CDKAL1: variants seen among roughly 807,000 people sequenced by gnomAD.
The protein encoded by CDKAL1 is threonylcarbamoyladenosine tRNA methylthiotransferase.
Under a neutral mutation model 68.2 loss-of-function variants are expected in CDKAL1, and 32 were observed. The observed-to-expected ratio is 0.47, with a 90% CI of 0.35 to 0.63. CDKAL1 has a LOEUF of 0.63. Among genes scored for constraint, CDKAL1 ranks in the 30% least tolerant of loss-of-function variants. The pLI, the probability that CDKAL1 is intolerant of heterozygous loss-of-function variation, is 0.00. For missense variants in CDKAL1, 606 were observed against 696.7 expected, an observed-to-expected ratio of 0.87 and a Z score of 1.47; for synonymous variants, 234 against 244.3, an observed-to-expected ratio of 0.96 and a Z score of 0.39.
At chr6:20,799,820 T>C (rs572626414) in intron 8 of CDKAL1, 1 of 152,368 alleles carries the variant, frequency 6.6e-6, no homozygotes, top group Non-Finnish European at 1.5e-5. Flanking sequence ...GTCTTGATGC[T>C]TTGAGTAGAG....
chr6:21,111,122 T>C (rs1313038094), intron 13 of CDKAL1, among the ~76,000 whole-genome samples: 2 of 152,204 alleles, frequency 1.3e-5, no homozygotes, highest in African/African-American at 4.8e-5. Flanking sequence ...GATTGAAATG[T>C]TTCATAATAG....
chr6:21,150,265 G>A (rs1776353258), intron 13 of CDKAL1, among the ~76,000 whole-genome samples: 1 of 152,132 alleles, frequency 6.6e-6, no homozygotes. Flanking sequence ...GAAAAGAATG[G>A]ATGTTGGGTA....
At chr6:20,842,424 CA>C (rs200230449) in intron 8 of CDKAL1, among the ~76,000 whole-genome samples, 12 of 152,022 alleles carry the variant, frequency 7.9e-5, no homozygotes, top group African/African-American at 2.4e-4. Flanking sequence ...TACAAGCAGT[CA>C]AAAAAATGTG....
intron 8 of CDKAL1, among the ~76,000 whole-genome samples, chr6:20,798,369 T>TA (rs1288834456): frequency 1.3e-5 from 2 of 152,140 alleles, no homozygotes; most frequent in Non-Finnish European, 2.9e-5. Context: ...ATGTCAGTTT[T>TA]AAAAAAATTA....
At chr6:20,649,986 C>A (rs1768675712) in intron 5 of CDKAL1, among the ~76,000 whole-genome samples, 1 of 152,166 alleles carries the variant, frequency 6.6e-6, no homozygotes, top group South Asian at 2.1e-4. Flanking sequence ...TGGGTTGATT[C>A]CATGTCTTTG....
chr6:21,097,124 T>C (rs372827353), intron 12 of CDKAL1, among the ~76,000 whole-genome samples: 1 of 152,154 alleles, frequency 6.6e-6, no homozygotes, highest in Non-Finnish European at 1.5e-5. Context: ...AGGGAGGACA[T>C]TGATGGGGAC....
intron 4 of CDKAL1, among the ~76,000 whole-genome samples, chr6:20,556,194 G>A (rs1764036865): frequency 6.6e-6 from 1 of 151,838 alleles, no homozygotes; most frequent in Non-Finnish European, 1.5e-5. Flanking sequence ...GTGAAGCCCC[G>A]TCTTTACTAA....
intron 11 of CDKAL1, among the ~76,000 whole-genome samples, chr6:21,030,166 A>G (rs1304428413): frequency 1.3e-5 from 2 of 152,250 alleles, no homozygotes; most frequent in Non-Finnish European, 2.9e-5. Context: ...GAATGAGATC[A>G]TGTTCTTTGC....
At chr6:20,631,697 A>G (rs189989333) in intron 4 of CDKAL1, among the ~76,000 whole-genome samples, 1 of 152,280 alleles carries the variant, frequency 6.6e-6, no homozygotes, top group African/African-American at 2.4e-5. Context: ...ATTGGATGAA[A>G]AAGACCATGG....
intron 12 of CDKAL1, among the ~76,000 whole-genome samples, chr6:21,070,925 A>C (rs1771739968): frequency 6.6e-6 from 1 of 152,172 alleles, no homozygotes; most frequent in Admixed American, 6.5e-5. Flanking sequence ...AGACCTGTTC[A>C]GTCACCGTCT....
chr6:20,612,637 A>G (rs909066133), intron 4 of CDKAL1, among the ~76,000 whole-genome samples: 5 of 151,908 alleles, frequency 3.3e-5, no homozygotes, highest in Admixed American at 2.0e-4. Context: ...TATTCCGCTT[A>G]TTAATTCTTT....
intron 5 of CDKAL1, among the ~76,000 whole-genome samples, chr6:20,682,647 G>A (rs1261148734): frequency 2.0e-5 from 3 of 152,090 alleles, no homozygotes; most frequent in African/African-American, 7.2e-5. Flanking sequence ...CTCCAACAAC[G>A]GGAATTACAA....
intron 13 of CDKAL1, among the ~76,000 whole-genome samples, chr6:21,189,478 A>G (rs1033896922): frequency 5.3e-5 from 8 of 152,132 alleles, no homozygotes; most frequent in African/African-American, 1.9e-4. Flanking sequence ...TCCACAGAGG[A>G]CAATGTTTTC....
chr6:20,613,299 G>T (rs1766729444), intron 4 of CDKAL1, among the ~76,000 whole-genome samples: 1 of 82,688 alleles, frequency 1.2e-5, no homozygotes, highest in Non-Finnish European at 2.2e-5. Flanking sequence ...TTTTGAGACG[G>T]AGTCTCGCTC....
At chr6:20,552,779 A>T (rs965890404) in intron 4 of CDKAL1, among the ~76,000 whole-genome samples, 2 of 152,090 alleles carry the variant, frequency 1.3e-5, no homozygotes, top group African/African-American at 4.8e-5. Context: ...TACTTTCTTC[A>T]CTAGTCTAGG....
chr6:20,685,166 C>G (rs1770560140), intron 5 of CDKAL1, among the ~76,000 whole-genome samples: 1 of 152,152 alleles, frequency 6.6e-6, no homozygotes, highest in Non-Finnish European at 1.5e-5. Flanking sequence ...CCATTTCGAT[C>G]TAATTTTTGT....
At chr6:20,609,229 CTTCCTTCT>C (rs1766467151) in intron 4 of CDKAL1, among the ~76,000 whole-genome samples, 1 of 147,786 alleles carries the variant, frequency 6.8e-6, no homozygotes, top group African/African-American at 2.6e-5. Context: ...CTTCTTCTTT[CTTCCTTCT>C]TCCTTCCTTC....
intron 7 of CDKAL1, among the ~76,000 whole-genome samples, chr6:20,761,192 C>G (rs901315146): frequency 7.2e-5 from 11 of 152,154 alleles, no homozygotes; most frequent in African/African-American, 2.7e-4. Flanking sequence ...TAGTGAATTA[C>G]CAATTAAAGC....
chr6:20,865,002 T>A (rs1482358828), intron 9 of CDKAL1, among the ~76,000 whole-genome samples: 2 of 152,194 alleles, frequency 1.3e-5, no homozygotes, highest in Non-Finnish European at 2.9e-5. Flanking sequence ...TTATGGTCCT[T>A]ATATAAATAA....
Sources: gnomAD v4.1 joint callset for allele counts (sites outside exome capture counted in the v4.1 genomes callset) on GRCh38, gnomAD v4.1.1 for gene constraint, MANE v1.5 for transcripts, NCBI Gene and HGNC (gene_info 2026-07-23, HGNC 2026-07-21) for gene names.